SDK1: variants seen among roughly 807,000 people sequenced by gnomAD.
SDK1 encodes sidekick cell adhesion molecule 1.
Under a neutral mutation model 245.5 loss-of-function variants are expected in SDK1, and 157 were observed. That is an observed-to-expected ratio of 0.64 (90% CI 0.56 to 0.73). The LOEUF is 0.73. Among genes scored for constraint, SDK1 ranks in the 30% least tolerant of loss-of-function variants. The pLI is 0.00. For missense variants in SDK1, 3,583 were observed against 3,002.3 expected (o/e 1.19, Z -4.52); for synonymous variants, 1,647 against 1,278.5 (o/e 1.29, Z -6.15).
Position 4,078,040 on chromosome 7 carries a change from G to A in SDK1, c.3202+851G>A, listed in dbSNP as rs904279603. On this transcript the variant is annotated intron_variant, in intron 21 of 44. Coordinates refer to ENST00000404826, the MANE Select transcript of SDK1 (RefSeq NM_152744.4). ...CAGGGAAATGGGTTAGCTGACCTCC[G>A]GAAGGCTGTGCTTCCAGAAACACTC... Among the ~76,000 whole-genome samples, 8 of 152,154 alleles carry A rather than the reference G, an allele frequency of 5.3e-5. No homozygotes were observed. The East Asian group carries it at 5.8e-4, about 11-fold the overall frequency.
intron 15 of SDK1, 93 bp downstream of exon 15, chr7:4,011,206 G>A: frequency 6.9e-7 from 1 of 1,456,630 alleles, no homozygotes. Flanking sequence ...ATTGATCACA[G>A]CAACCCGCTG....
intron 4 of SDK1, among the ~76,000 whole-genome samples, chr7:3,759,510 T>C (rs1253417770): frequency 6.6e-6 from 1 of 152,106 alleles, no homozygotes; most frequent in Non-Finnish European, 1.5e-5. Context: ...CCATAATCTG[T>C]CCTTGAAATA....
At chr7:3,614,367 A>T (rs1424019358) in intron 1 of SDK1, among the ~76,000 whole-genome samples, 2 of 152,148 alleles carry the variant, frequency 1.3e-5, no homozygotes, top group African/African-American at 4.8e-5. Flanking sequence ...ACGTCTGCTC[A>T]TTTTCCTGAG....
chr7:3,792,922 A>G (rs866483780), intron 4 of SDK1, among the ~76,000 whole-genome samples: 3 of 152,222 alleles, frequency 2.0e-5, no homozygotes, highest in East Asian at 3.8e-4. Context: ...TAATGAGTGC[A>G]TTCAGTTCTG....
intron 1 of SDK1, among the ~76,000 whole-genome samples, chr7:3,439,384 T>G (rs148406915): frequency 3.3e-5 from 5 of 152,196 alleles, no homozygotes; most frequent in African/African-American, 1.2e-4. Context: ...GCTGTTCCTC[T>G]AGAGACTACT....
intron 33 of SDK1, among the ~76,000 whole-genome samples, chr7:4,175,131 C>T (rs142620699): frequency 1.5e-4 from 23 of 152,362 alleles, no homozygotes; most frequent in African/African-American, 5.0e-4. Context: ...AGTGCGCGGA[C>T]GGCAGCAGCT....
chr7:3,723,489 C>T (rs368101696), intron 4 of SDK1, among the ~76,000 whole-genome samples: 8 of 152,260 alleles, frequency 5.3e-5, no homozygotes, highest in African/African-American at 1.9e-4. Flanking sequence ...TTTCTTTATT[C>T]ACACACTAGT....
At chr7:3,982,124 T>G (rs79183712) in intron 13 of SDK1, among the ~76,000 whole-genome samples, 1 of 152,214 alleles carries the variant, frequency 6.6e-6, no homozygotes, top group African/African-American at 2.4e-5. Context: ...CTGAAAATCT[T>G]AGGGCTCTTA....
At chr7:4,242,469 A>G (rs1320476745) in intron 43 of SDK1, among the ~76,000 whole-genome samples, 1 of 152,094 alleles carries the variant, frequency 6.6e-6, no homozygotes, top group African/African-American at 2.4e-5. Flanking sequence ...AGGGTTTCCC[A>G]AACAAGAGAG....
chr7:3,799,212 G>A (rs10248275), intron 4 of SDK1, among the ~76,000 whole-genome samples: 17,405 of 151,850 alleles, frequency 0.11, 1,892 homozygotes, highest in African/African-American at 0.29. Context: ...TCGTTTTCAG[G>A]ACATTCAGTT....
chr7:3,511,727 A>C (rs1782585855), intron 1 of SDK1, among the ~76,000 whole-genome samples: 1 of 152,078 alleles, frequency 6.6e-6, no homozygotes. Flanking sequence ...AGTTTAAAGA[A>C]GCAAAAAATA....
chr7:4,146,118 A>T (rs1382458685), intron 29 of SDK1, among the ~76,000 whole-genome samples: 1 of 142,848 alleles, frequency 7.0e-6, no homozygotes, highest in Non-Finnish European at 1.6e-5. Flanking sequence ...TCACACCTTC[A>T]GCCTCACACC....
intron 1 of SDK1, among the ~76,000 whole-genome samples, chr7:3,611,514 A>G (rs1781587694): frequency 6.6e-6 from 1 of 152,120 alleles, no homozygotes; most frequent in South Asian, 2.1e-4. Context: ...TAAAACAATC[A>G]TAGGTCTCTT....
intron 22 of SDK1, among the ~76,000 whole-genome samples, chr7:4,087,453 A>T (rs575535343): frequency 2.7e-4 from 39 of 146,896 alleles, no homozygotes; most frequent in Non-Finnish European, 4.7e-4. Flanking sequence ...CCCATAACCA[A>T]TGTGTGTGCA....
At chr7:4,151,952 G>A (rs770583160) in intron 30 of SDK1, among the ~76,000 whole-genome samples, 4 of 152,164 alleles carry the variant, frequency 2.6e-5, no homozygotes, top group African/African-American at 9.7e-5. Context: ...AAGGGTCTGC[G>A]ACGTATGAAA....
chr7:3,959,573 C>A (rs1236114180), intron 8 of SDK1, among the ~76,000 whole-genome samples: 2 of 152,174 alleles, frequency 1.3e-5, no homozygotes, highest in Admixed American at 6.5e-5. Context: ...ATCGCCCACC[C>A]CACACCCTTG....
At chr7:3,535,333 C>G (rs559561476) in intron 1 of SDK1, among the ~76,000 whole-genome samples, 1 of 152,050 alleles carries the variant, frequency 6.6e-6, no homozygotes, top group Non-Finnish European at 1.5e-5. Flanking sequence ...TATCTGTTAG[C>G]TTAATTTAAA....
intron 1 of SDK1, among the ~76,000 whole-genome samples, chr7:3,427,866 AGT>A: frequency 9.0e-6 from 1 of 110,530 alleles, no homozygotes; most frequent in East Asian, 1.9e-4. Context: ...AGATGTCGTT[AGT>A]GTCTCTTAGA....
chr7:3,813,720 T>C (rs1372080081), intron 4 of SDK1, among the ~76,000 whole-genome samples: 1 of 121,008 alleles, frequency 8.3e-6, no homozygotes, highest in Non-Finnish European at 1.7e-5. Context: ...TAGTTTACAG[T>C]CCCACCAACA....
Sources: gnomAD v4.1 joint callset for allele counts (sites outside exome capture counted in the v4.1 genomes callset) on GRCh38, gnomAD v4.1.1 for gene constraint, MANE v1.5 for transcripts, NCBI Gene and HGNC (gene_info 2026-07-23, HGNC 2026-07-21) for gene names.